The following CSMD1 variants were observed in gnomAD, a reference collection of about 807,000 sequenced individuals.
CSMD1 encodes the protein CUB and Sushi multiple domains 1.
Under a neutral mutation model 417.5 loss-of-function variants are expected in CSMD1, and 213 were observed. The observed-to-expected ratio is 0.51, with a 90% confidence interval of 0.46 to 0.57. The LOEUF (loss-of-function observed/expected upper bound fraction) is 0.57. CSMD1 is among the 20% of genes least tolerant of loss of function. The pLI is 0.00. For synonymous variants in CSMD1, 2,862 were observed against 1,736.8 expected (o/e 1.65, Z -16.11); for missense variants, 6,923 against 4,529.7 (o/e 1.53, Z -15.17).
chr8:3,476,912 C>CAA (rs761021655), intron 11 of CSMD1, among the ~76,000 whole-genome samples: 2,538 of 126,732 alleles, frequency 0.02, 146 homozygotes, highest in East Asian at 0.17. Context: ...AACTCCGCCT[C>CAA]AAAAAAAAAA....
intron 2 of CSMD1, among the ~76,000 whole-genome samples, chr8:4,594,331 G>A (rs1265482526): frequency 6.6e-6 from 1 of 150,884 alleles, no homozygotes; most frequent in African/African-American, 2.4e-5. Flanking sequence ...AGCCTCTTGA[G>A]TAGCTGGGAA....
At chr8:4,019,849 C>T (rs534823165) in intron 4 of CSMD1, among the ~76,000 whole-genome samples, 22 of 151,704 alleles carry the variant, frequency 1.5e-4, no homozygotes, top group Admixed American at 1.3e-3. Context: ...TTCCTGAGCC[C>T]CAAACCATTT....
intron 1 of CSMD1, among the ~76,000 whole-genome samples, chr8:4,980,584 G>A (rs1810834275): frequency 6.6e-6 from 1 of 152,182 alleles, no homozygotes. Context: ...TTGAATTTGT[G>A]AACTGGAAGG....
At chr8:3,693,988 A>AGT (rs780740919) in intron 7 of CSMD1, among the ~76,000 whole-genome samples, 4 of 144,828 alleles carry the variant, frequency 2.8e-5, no homozygotes, top group East Asian at 4.1e-4. Flanking sequence ...GTGTGTTGTT[A>AGT]GTGTGTGTGT....
rs187516667 is a variant in CSMD1 at position 3,325,507 on chromosome 8, A to G, written c.3632-17004T>C. 5.1e-4 allele frequency among the ~76,000 whole-genome samples: 77 copies of G among 152,314 alleles called. 1 individual carries two copies. The highest frequency in any genetic ancestry group is 4.4e-3 in the Admixed American group (68 of 15,298). ...CTGGTGGCCAACAACTTATTCCTCA[A>G]TTAGTTCCACTTGATGAAAGTAAAT... On this transcript the variant is annotated intron_variant, in intron 23 of 69. Transcript: ENST00000635120.
intron 3 of CSMD1, among the ~76,000 whole-genome samples, chr8:4,303,963 T>G (rs991526345): frequency 6.6e-6 from 1 of 152,130 alleles, no homozygotes; most frequent in Admixed American, 6.6e-5. Context: ...TTTTCCCTCT[T>G]CCTTTTGCCT....
At chr8:3,989,879 T>C (rs1488549689) in intron 5 of CSMD1, among the ~76,000 whole-genome samples, 1 of 152,192 alleles carries the variant, frequency 6.6e-6, no homozygotes, top group Non-Finnish European at 1.5e-5. Context: ...AATTACCTTA[T>C]TCTCCTAACC....
intron 6 of CSMD1, among the ~76,000 whole-genome samples, chr8:3,751,494 TATAA>T (rs374571657): frequency 0.016 from 2,353 of 148,738 alleles, 27 homozygotes; most frequent in Middle Eastern, 0.029. Flanking sequence ...ATAGAATATA[TATAA>T]ATAATGTAAT....
intron 1 of CSMD1, among the ~76,000 whole-genome samples, chr8:4,641,364 GT>G (rs1378023244): frequency 1.3e-5 from 2 of 152,050 alleles, no homozygotes; most frequent in African/African-American, 4.8e-5. Flanking sequence ...CAGAGAGTTA[GT>G]TTTTTTGCAG....
At chr8:4,838,655 C>T (rs561839226) in intron 1 of CSMD1, among the ~76,000 whole-genome samples, 1 of 152,154 alleles carries the variant, frequency 6.6e-6, no homozygotes, top group African/African-American at 2.4e-5. Context: ...ATTGCAGACG[C>T]GGAGGTGGGA....
chr8:4,175,171 G>C (rs73510848), intron 3 of CSMD1, among the ~76,000 whole-genome samples: 5,236 of 152,114 alleles, frequency 0.034, 326 homozygotes, highest in African/African-American at 0.12. Context: ...TTGTTGAAAA[G>C]TGATTTTTAA....
chr8:3,068,287 G>T (rs892551017), intron 49 of CSMD1, among the ~76,000 whole-genome samples: 2 of 151,718 alleles, frequency 1.3e-5, no homozygotes, highest in Non-Finnish European at 2.9e-5. Context: ...AATCCCACAG[G>T]CTTCAAAGAA....
chr8:3,332,922 C>G (rs1012447467), intron 23 of CSMD1, among the ~76,000 whole-genome samples: 5 of 152,288 alleles, frequency 3.3e-5, no homozygotes, highest in Middle Eastern at 6.8e-3. Context: ...ACGGAAGTGT[C>G]TGTTCTGTCG....
chr8:3,654,767 G>C (rs1475309167), intron 7 of CSMD1, among the ~76,000 whole-genome samples: 1 of 152,156 alleles, frequency 6.6e-6, no homozygotes, highest in Admixed American at 6.5e-5. Context: ...GAACGGGGTA[G>C]GACTGGGTGC....
chr8:3,520,535 G>A (rs1409074384), intron 10 of CSMD1, among the ~76,000 whole-genome samples: 1 of 152,056 alleles, frequency 6.6e-6, no homozygotes, highest in Non-Finnish European at 1.5e-5. Context: ...TTTTAGCTTG[G>A]TTGTCAAATC....
chr8:4,130,786 G>A (rs1803053736), intron 3 of CSMD1, among the ~76,000 whole-genome samples: 1 of 151,762 alleles, frequency 6.6e-6, no homozygotes, highest in African/African-American at 2.4e-5. Flanking sequence ...AACAAAATCT[G>A]TCAATGCTTA....
chr8:4,360,811 TCA>T (rs1427705406), intron 3 of CSMD1, among the ~76,000 whole-genome samples: 2 of 151,668 alleles, frequency 1.3e-5, no homozygotes, highest in Non-Finnish European at 3.0e-5. Flanking sequence ...GTTCGTAATC[TCA>T]CAGTTCCTGA....
intron 5 of CSMD1, among the ~76,000 whole-genome samples, chr8:3,921,820 G>C (rs542645158): frequency 1.3e-5 from 2 of 152,266 alleles, no homozygotes; most frequent in Non-Finnish European, 2.9e-5. Flanking sequence ...CTATCCTGGA[G>C]AGAGTTTTGT....
intron 12 of CSMD1, among the ~76,000 whole-genome samples, chr8:3,438,614 C>G (rs371713421): frequency 2.0e-5 from 3 of 152,256 alleles, no homozygotes; most frequent in African/African-American, 7.2e-5. Flanking sequence ...ATTTCATGGT[C>G]TAGATGAATT....
Sources: gnomAD v4.1 joint callset for allele counts (sites outside exome capture counted in the v4.1 genomes callset) on GRCh38, gnomAD v4.1.1 for gene constraint, MANE v1.5 for transcripts, NCBI Gene and HGNC (gene_info 2026-07-23, HGNC 2026-07-21) for gene names.